The following KIF19 variants were observed in gnomAD, a reference collection of about 807,000 sequenced individuals.
The protein encoded by KIF19 is kinesin family member 19, also known as kinesin-like protein KIF19.
In KIF19, 98 loss-of-function variants were observed where a neutral mutation model predicts 106.6. That is an observed-to-expected ratio of 0.92 (90% CI 0.78 to 1.09). The LOEUF is 1.09. Ranked by LOEUF, KIF19 falls within the 50% of genes least tolerant of loss-of-function variation. The pLI is 0.00. For missense variants in KIF19, 1,373 were observed against 1,414.3 expected (o/e 0.97, Z 0.47); for synonymous variants, 516 against 584.2 (o/e 0.88, Z 1.68).
rs61173377 is a variant in KIF19 at position 74,340,556 on chromosome 17, T to TACAC, written c.121-1305_121-1302dup. On this transcript the variant is annotated intron_variant, in intron 2 of 19. Coordinates refer to ENST00000389916, the MANE Select transcript of KIF19 (RefSeq NM_153209.4). ...ACGTGCCAGCAGGTATGCGCGCGCG[T>TACAC]ACACACACACACACACACTGCTGCC... Among the ~76,000 whole-genome samples, 5 of 151,906 alleles carry TACAC rather than the reference T, an allele frequency of 3.3e-5. No homozygotes were observed. The East Asian group carries it at 7.8e-4, about 24-fold the overall frequency.
chr17:74,345,992 T>G (rs561145902), intron 7 of KIF19, among the ~76,000 whole-genome samples: 12 of 152,284 alleles, frequency 7.9e-5, no homozygotes, highest in Middle Eastern at 3.4e-3. Context: ...ACCATGCACA[T>G]GTGCACGCAC....
chr17:74,342,543 C>A, intron 3 of KIF19, 87 bp from the exon 4 acceptor site: 1 of 1,027,960 alleles, frequency 9.7e-7, no homozygotes, highest in East Asian at 2.4e-5. Context: ...ACAGAAACCT[C>A]TCCTATCAGA....
Position 74,355,247 on chromosome 17 carries a change from C to A in KIF19, c.2932C>A (p.Arg978Ser), listed in dbSNP as rs777141396. ...AGGTGGTGGTTCTCGACGGGCTACC[C>A]GTGGGCCCCGCCTGCCCCACGGCAC... ...NPGGGSRRAT[R>S]GPRLPHGTST... Residue 978 changes from arginine (R) to serine (S), a missense_variant, in exon 20 of 20, where the codon CGT (arginine) becomes AGT (serine). By Grantham distance (110) the Arg-to-Ser change is moderately radical. This residue lies in a region of KIF19 where 1,020 missense variants were observed against 1,008.2 expected (regional missense o/e 1.01). Coordinates refer to ENST00000389916, the MANE Select transcript of KIF19 (RefSeq NM_153209.4). The A allele has an allele frequency of 6.2e-7, 1 of 1,612,812 alleles. No homozygotes were observed. The highest frequency in any genetic ancestry group is 1.1e-5 in the South Asian group (1 of 91,038).
At position 74,353,230 on chromosome 17, in the gene KIF19, G is replaced by T. The variant is rs555624050; in HGVS notation, c.2149G>T (p.Ala717Ser). ...CCACGTGTTCAAGGCTGGTACTGGGGCCTGGCAGGCAAAAAGCTCCTCTGT... is the reference window on the plus strand; with the variant it reads ...CCACGTGTTCAAGGCTGGTACTGGGTCCTGGCAGGCAAAAAGCTCCTCTGT... ...GHHVFKAGTG[A>S]WQAKSSSVPT... Residue 717 changes from alanine (A) to serine (S), a missense_variant, in exon 16 of 20, where the codon GCC (alanine) becomes TCC (serine). Physicochemically the swap from Ala to Ser is moderately conservative, Grantham distance 99. This residue lies in a region of KIF19 where 1,020 missense variants were observed against 1,008.2 expected (regional missense o/e 1.01). Coordinates refer to ENST00000389916, the MANE Select transcript of KIF19 (RefSeq NM_153209.4). 912 of 1,588,796 alleles carry T rather than the reference G, an allele frequency of 5.7e-4. 9 individuals are homozygous for T. In the South Asian group the frequency reaches 9.5e-3, roughly 16 times the overall value.
chr17:74,354,086 A>G lies in KIF19; in HGVS notation c.2309-76A>G, dbSNP rs1263094537. The G allele has an allele frequency of 6.8e-6, 10 of 1,475,634 alleles. No individual in the cohort carries two copies. The African/African-American group carries it at 1.4e-4, about 21-fold the overall frequency. The allele number at this position is 1,475,634 out of a possible 1,614,324, so 91.4% of individuals were successfully genotyped here. A position where few individuals can be genotyped will look rare whatever the true frequency, so the allele number is the denominator to read the frequency against. ...AACCCAGGAGGTCTGGCTCCTACCC[A>G]CGTCTGCCATGTCAGAGGAGGGTGT... On this transcript the variant is annotated intron_variant, in intron 17 of 19. Coordinates refer to ENST00000389916, the MANE Select transcript of KIF19 (RefSeq NM_153209.4).
At chr17:74,337,265 C>T (rs1430198054) in intron 2 of KIF19, among the ~76,000 whole-genome samples, 3 of 147,858 alleles carry the variant, frequency 2.0e-5, no homozygotes, top group African/African-American at 7.5e-5. Context: ...TGTGTGCCAA[C>T]CAGGGGGGCC....
At chr17:74,349,088 T>A (rs1422612866) in intron 9 of KIF19, 96 bp from the exon 10 acceptor site, 8 of 1,280,638 alleles carry the variant, frequency 6.2e-6, no homozygotes, top group Non-Finnish European at 7.8e-6. Context: ...CCAGAAAGAC[T>A]GGGGGAGGCA....
At chr17:74,353,340 G>A (rs1401480147) in intron 16 of KIF19, 39 bp downstream of exon 16, 3 of 1,517,896 alleles carry the variant, frequency 2.0e-6, no homozygotes, top group Non-Finnish European at 2.7e-6. Flanking sequence ...GAGCTCCACT[G>A]CAGCGGGTGC....
At position 74,326,520 on chromosome 17, in the gene KIF19, A is replaced by T; in HGVS notation, c.39+132A>T. 2.7e-6 allele frequency: 2 copies of T among 749,108 alleles called. 1 individual carries two copies. The highest frequency in any genetic ancestry group is 4.0e-5 in the South Asian group (2 of 49,818). The allele number at this position is 749,108 out of a possible 1,614,324, so 46.4% of individuals were successfully genotyped here. A position where few individuals can be genotyped will look rare whatever the true frequency, so the allele number is the denominator to read the frequency against. On this transcript the variant is annotated intron_variant, in intron 1 of 19. Coordinates refer to ENST00000389916, the MANE Select transcript of KIF19 (RefSeq NM_153209.4). The stretch of plus-strand genomic sequence containing the variant: ...GCAACGACCAGGGCCGGGACTCTTC[A>T]GAGCAACTTTCCCCAAGTCCTGCAG...
chr17:74,348,988 G>A, intron 9 of KIF19, 196 bp from the exon 10 acceptor site: 1 of 593,906 alleles, frequency 1.7e-6, no homozygotes, highest in East Asian at 3.0e-5. Flanking sequence ...TTCCCCGCAG[G>A]CATTAGGAAG....
At chr17:74,353,687 C>A in intron 17 of KIF19, 106 bp downstream of exon 17, 1 of 888,670 alleles carries the variant, frequency 1.1e-6, no homozygotes, top group Non-Finnish European at 1.8e-6. Context: ...CAAGTGCAAC[C>A]AAGCATTGGG....
intron 14 of KIF19, among the ~76,000 whole-genome samples, 165 bp downstream of exon 14, chr17:74,352,505 C>G (rs2054743464): frequency 6.6e-6 from 1 of 152,206 alleles, no homozygotes; most frequent in South Asian, 2.1e-4. Flanking sequence ...CTTGTCAAGC[C>G]TGAGTAAGAC....
intron 1 of KIF19, 57 bp downstream of exon 1, chr17:74,326,445 C>A (rs1180086891): frequency 5.1e-6 from 8 of 1,556,178 alleles, no homozygotes; most frequent in Non-Finnish European, 7.1e-6. Flanking sequence ...TTCAGTCGGC[C>A]TCCAGCGACA....
At position 74,349,335 on chromosome 17, in the gene KIF19, T is replaced by C. The variant is rs773155411; in HGVS notation, c.1199T>C (p.Ile400Thr). 123 of 1,601,444 alleles carry C rather than the reference T, an allele frequency of 7.7e-5. No homozygotes were observed. Among genetic ancestry groups the C allele is most frequent in the Middle Eastern group, 5.0e-4 (3 of 5,984 alleles). The stretch of plus-strand genomic sequence containing the variant: ...CGGGGCCGGCAGGATCGGGGTGACA[T>C]CCGCCACATCCAAGGTGCGCCTGTG... Reference protein sequence around the residue: ...QARGRQDRGDIRHIQAEVQLH... With the variant: ...QARGRQDRGDTRHIQAEVQLH... Residue 400 changes from isoleucine (I) to threonine (T), a missense_variant, in exon 10 of 20, where the codon ATC (isoleucine) becomes ACC (threonine). This residue lies in a region of KIF19 where 1,020 missense variants were observed against 1,008.2 expected (regional missense o/e 1.01). Transcript: ENST00000389916.
Position 74,355,524 on chromosome 17 carries a change from T to A in KIF19, c.*212T>A. The A allele has an allele frequency of 1.7e-6, 1 of 594,078 alleles. No homozygotes were observed. The highest frequency in any genetic ancestry group is 2.7e-6 in the Non-Finnish European group (1 of 368,510). 36.8% of individuals were successfully genotyped at this position (594,078 alleles called of 1,614,324 possible). ...GGAAAAGAGGTGAGGCCAGGGGACA[T>A]GGCCAGGACGGCTGGGCTCCCTGGC... On this transcript the variant is annotated 3_prime_UTR_variant, in exon 20 of 20. Coordinates refer to ENST00000389916, the MANE Select transcript of KIF19 (RefSeq NM_153209.4).
Position 74,352,351 on chromosome 17 carries a change from G to T in KIF19, c.1980+11G>T, listed in dbSNP as rs533875240. The T allele has an allele frequency of 1.3e-6, 2 of 1,597,946 alleles. No homozygotes were observed. Among genetic ancestry groups the T allele is most frequent in the South Asian group, 1.1e-5 (1 of 88,770 alleles). On this transcript the variant is annotated intron_variant, in intron 14 of 19. Transcript: ENST00000389916. ...TCCAGGGCCCTGCAGGTGGGTGGGC[G>T]CCTGGGCGGCCTGAACATGGGCACA...
At position 74,354,834 on chromosome 17, in the gene KIF19, C is replaced by T. The variant is rs757040231; in HGVS notation, c.2759C>T (p.Ser920Leu). 5 of 1,560,912 alleles carry T rather than the reference C, an allele frequency of 3.2e-6. No homozygotes were observed. Among genetic ancestry groups the T allele is most frequent in the Admixed American group, 1.9e-5 (1 of 52,036 alleles). Residue 920 changes from serine to leucine, a missense_variant, in exon 19 of 20, where the codon TCG (serine) becomes TTG (leucine). Physicochemically the swap from Ser to Leu is moderately radical, Grantham distance 145. Coordinates refer to ENST00000389916, the MANE Select transcript of KIF19 (RefSeq NM_153209.4). Reference sequence around the variant, plus strand: ...GGGCCCCATCAGGCGGAGCGCATCTCGGACCACAGGATGCCAGTGTGCAGG... The same window carrying T: ...GGGCCCCATCAGGCGGAGCGCATCTTGGACCACAGGATGCCAGTGTGCAGG... ...LLGPHQAERI[S>L]DHRMPVCRHP...
intron 16 of KIF19, 57 bp from the exon 17 acceptor site, chr17:74,353,437 G>T: frequency 6.5e-7 from 1 of 1,535,070 alleles, no homozygotes; most frequent in Non-Finnish European, 9.0e-7. Context: ...GCTGAGTGGG[G>T]CATGGGGTCC....
chr17:74,346,840 G>T lies in KIF19; in HGVS notation c.924+316G>T, dbSNP rs2054545623. Among the ~76,000 whole-genome samples the T allele has an allele frequency of 6.6e-6, 1 of 152,144 alleles. No homozygotes were observed. Among genetic ancestry groups the T allele is most frequent in the Admixed American group, 6.5e-5 (1 of 15,282 alleles). On this transcript the variant is annotated intron_variant, in intron 8 of 19. Coordinates refer to ENST00000389916, the MANE Select transcript of KIF19 (RefSeq NM_153209.4). The surrounding 1 kb of genome is among the most constrained non-coding windows in gnomAD (Gnocchi z 4.6). ...TGGGTCAGAGCCGTCTAGATTTGGG[G>T]GTGCAGGTGGGCAGTCAGCCTCATG...
Sources: gnomAD v4.1 joint callset for allele counts (sites outside exome capture counted in the v4.1 genomes callset) on GRCh38, gnomAD v4.1.1 for gene constraint, gnomAD v4.1.1 regional missense constraint, Gnocchi (gnomAD v3.1) non-coding constraint, MANE v1.5 for transcripts, NCBI Gene and HGNC (gene_info 2026-07-23, HGNC 2026-07-21) for gene names.